Variants in PRKAG2 observed in about 807,000 individuals in gnomAD.
PRKAG2 encodes the protein protein kinase AMP-activated non-catalytic subunit gamma 2, also known as 5'-AMP-activated protein kinase subunit gamma-2.
PRKAG2 carries 26 observed loss-of-function variants against 69.6 expected under a neutral mutation model. The observed-to-expected ratio is 0.37, with a 90% CI of 0.27 to 0.52. The LOEUF is 0.52. PRKAG2 is among the 20% of genes least tolerant of loss of function. The pLI, the probability that PRKAG2 is intolerant of heterozygous loss-of-function variation, is 0.90. For synonymous variants in PRKAG2, 293 were observed against 285.0 expected (o/e 1.03, Z -0.28); for missense variants, 557 against 740.0 (o/e 0.75, Z 2.87).
In PRKAG2 at chr7:151,874,297, GATGTAT is replaced by G. The variant is rs1405710974; in HGVS notation, c.114+2204_114+2209del. Among the ~76,000 whole-genome samples, 647 of 77,610 alleles carry G rather than the reference GATGTAT, an allele frequency of 8.3e-3. 21 individuals carry two copies. The highest frequency in any genetic ancestry group is 0.03 in the African/African-American group (457 of 15,484). The allele number at this position is 77,610 out of a possible 152,430, so 50.9% of individuals were successfully genotyped here. On this transcript the variant is annotated intron_variant, in intron 1 of 15. Coordinates refer to ENST00000287878, the MANE Select transcript of PRKAG2 (RefSeq NM_016203.4). ...ATATGATATATATGTATATGTATAT[GATGTAT>G]ATGTATATGTATATGATGTATATGT... is the stretch of plus-strand genomic sequence containing the variant.
intron 4 of PRKAG2, among the ~76,000 whole-genome samples, chr7:151,662,156 T>C (rs1188449419): frequency 6.6e-6 from 1 of 152,202 alleles, no homozygotes; most frequent in Admixed American, 6.5e-5. Flanking sequence ...AGGTAGAAAG[T>C]GTTCAGAGTC....
chr7:151,852,129 G>A (rs1402615460), intron 1 of PRKAG2, among the ~76,000 whole-genome samples: 1 of 152,202 alleles, frequency 6.6e-6, no homozygotes, highest in Non-Finnish European at 1.5e-5. Flanking sequence ...ACGCAAGCCT[G>A]TGCCCTGTGT....
At chr7:151,667,680 T>C (rs1026450146) in intron 4 of PRKAG2, among the ~76,000 whole-genome samples, 1 of 152,214 alleles carries the variant, frequency 6.6e-6, no homozygotes, top group African/African-American at 2.4e-5. Context: ...ACCTTGCATA[T>C]ACTTCTGTCT....
At chr7:151,675,811 T>C (rs1182455579) in intron 3 of PRKAG2, among the ~76,000 whole-genome samples, 174 bp from the exon 4 acceptor site, 1 of 151,248 alleles carries the variant, frequency 6.6e-6, no homozygotes, top group Non-Finnish European at 1.5e-5. Context: ...ACATTGGAGG[T>C]GGTCAGAGGT....
chr7:151,754,121 C>A (rs997204212), intron 3 of PRKAG2, among the ~76,000 whole-genome samples: 17 of 152,354 alleles, frequency 1.1e-4, no homozygotes, highest in Non-Finnish European at 1.8e-4. Flanking sequence ...CCAAAGCAGG[C>A]CCTGAGAGAA....
intron 1 of PRKAG2, among the ~76,000 whole-genome samples, chr7:151,853,759 CA>C (rs56098823): frequency 0.011 from 1,199 of 109,888 alleles, 10 homozygotes; most frequent in African/African-American, 0.018. Flanking sequence ...GACTCCGTCT[CA>C]AAAAAAAAAA....
chr7:151,640,185 C>T (rs557401535), intron 4 of PRKAG2, among the ~76,000 whole-genome samples: 1 of 152,188 alleles, frequency 6.6e-6, no homozygotes, highest in East Asian at 1.9e-4. Context: ...GGGCATGCAC[C>T]TGTAATTCCA....
chr7:151,682,799 G>A (rs1227128142), intron 3 of PRKAG2, among the ~76,000 whole-genome samples: 1 of 151,876 alleles, frequency 6.6e-6, no homozygotes, highest in East Asian at 1.9e-4. Context: ...GGGGAGCTCA[G>A]GGAAGAGGAG....
Position 151,652,455 on chromosome 7 carries a change from A to G in PRKAG2, c.685-20317T>C, listed in dbSNP as rs185984577. 5.8e-4 allele frequency among the ~76,000 whole-genome samples: 88 copies of G among 152,338 alleles called. 1 individual carries two copies. The Middle Eastern group carries it at 0.017, about 29-fold the overall frequency. On this transcript the variant is annotated intron_variant, in intron 4 of 15. Coordinates refer to ENST00000287878, the MANE Select transcript of PRKAG2 (RefSeq NM_016203.4). ...TATGCTAATATGTAATGAGTTTATTACTGATCTTTTCAGATAAATTAATAT... is the reference window on the plus strand; with the variant it reads ...TATGCTAATATGTAATGAGTTTATTGCTGATCTTTTCAGATAAATTAATAT...
At chr7:151,601,022 C>T (rs1402334470) in intron 5 of PRKAG2, among the ~76,000 whole-genome samples, 1 of 152,178 alleles carries the variant, frequency 6.6e-6, no homozygotes, top group African/African-American at 2.4e-5. Flanking sequence ...AAGCTCTGTC[C>T]CAGGCTCCAG....
At position 151,781,310 on chromosome 7, in the gene PRKAG2, T is replaced by C; in HGVS notation, c.308A>G (p.Lys103Arg). 6.2e-7 allele frequency: 1 copy of C among 1,613,942 alleles called. No homozygotes were observed. Among genetic ancestry groups the C allele is most frequent in the Non-Finnish European group, 8.5e-7 (1 of 1,179,974 alleles). Residue 103 changes from lysine to arginine, a missense_variant, in exon 3 of 16, where the codon AAA (lysine) becomes AGA (arginine). Around this residue, in one of 2 missense-constraint regions of PRKAG2, gnomAD observed 352 missense variants for 356.7 expected, o/e 0.99. Coordinates refer to ENST00000287878, the MANE Select transcript of PRKAG2 (RefSeq NM_016203.4). The surrounding 1 kb of genome is among the most constrained non-coding windows in gnomAD (Gnocchi z 6.1). ...VRPKTSPGSP[K>R]TVFPFSYQES... Reference sequence around the variant, plus strand: ...CTGGTAGGAGAACGGGAACACGGTTTTGGGAGAGCCGGGGCTGGTCTTGGG... The same window carrying C: ...CTGGTAGGAGAACGGGAACACGGTTCTGGGAGAGCCGGGGCTGGTCTTGGG...
At chr7:151,726,406 A>G (rs1797982569) in intron 3 of PRKAG2, among the ~76,000 whole-genome samples, 1 of 146,158 alleles carries the variant, frequency 6.8e-6, no homozygotes, top group African/African-American at 2.5e-5. Flanking sequence ...ACACACGCAC[A>G]CACACACAGA....
At chr7:151,623,160 T>C (rs1821922013) in intron 5 of PRKAG2, among the ~76,000 whole-genome samples, 1 of 150,214 alleles carries the variant, frequency 6.7e-6, no homozygotes, top group African/African-American at 2.5e-5. Flanking sequence ...AGGTCAGGAG[T>C]TTGAGACCAG....
chr7:151,664,996 A>G (rs1427178908), intron 4 of PRKAG2, among the ~76,000 whole-genome samples: 2 of 152,206 alleles, frequency 1.3e-5, no homozygotes, highest in Non-Finnish European at 2.9e-5. Context: ...CATCCCTGTG[A>G]CCAAAATGAT....
intron 6 of PRKAG2, among the ~76,000 whole-genome samples, chr7:151,591,021 C>T (rs929402329): frequency 2.0e-5 from 3 of 152,288 alleles, no homozygotes; most frequent in East Asian, 3.9e-4. Flanking sequence ...CCACAGGCTT[C>T]GGGAGACAGG....
At chr7:151,648,426 C>G (rs922821273) in intron 4 of PRKAG2, among the ~76,000 whole-genome samples, 2 of 152,124 alleles carry the variant, frequency 1.3e-5, no homozygotes, top group African/African-American at 4.8e-5. Context: ...TTTGGGAAAA[C>G]TGGTGTGTGA....
In PRKAG2 at chr7:151,699,143, C is replaced by G. The variant is rs1205934544; in HGVS notation, c.467-23506G>C. Among the ~76,000 whole-genome samples the G allele has an allele frequency of 6.7e-6, 1 of 149,886 alleles. No homozygotes were observed. The highest frequency in any genetic ancestry group is 2.4e-5 in the African/African-American group (1 of 40,972). ...CTTAGGCCACCTTTCCTTCTCTGACCTCTGTCCCCATCCCTGCCCCAAGTT... is the reference window on the plus strand; with the variant it reads ...CTTAGGCCACCTTTCCTTCTCTGACGTCTGTCCCCATCCCTGCCCCAAGTT... On this transcript the variant is annotated intron_variant, in intron 3 of 15. Transcript: ENST00000287878. The surrounding 1 kb of genome is among the most constrained non-coding windows in gnomAD (Gnocchi z 4.5).
In PRKAG2 at chr7:151,675,416, T is replaced by A; in HGVS notation, c.684+4A>T. 13 of 1,613,532 alleles carry A rather than the reference T, an allele frequency of 8.1e-6. No individual in the cohort carries two copies. Among genetic ancestry groups the A allele is most frequent in the Non-Finnish European group, 1.1e-5 (13 of 1,179,544 alleles). Reference sequence around the variant, plus strand: ...GCCCCACCCACAGAAGGGCCCAGACTTACGGCTTTGGAGGGAGCATAGTGT... The same window carrying A: ...GCCCCACCCACAGAAGGGCCCAGACATACGGCTTTGGAGGGAGCATAGTGT... On this transcript the variant is annotated splice_donor_region_variant and intron_variant, in intron 4 of 15. Transcript: ENST00000287878.
At chr7:151,613,635 T>A (rs550563464) in intron 5 of PRKAG2, among the ~76,000 whole-genome samples, 1 of 151,614 alleles carries the variant, frequency 6.6e-6, no homozygotes, top group Non-Finnish European at 1.5e-5. Flanking sequence ...GCAGCTGGGA[T>A]TACAGGCACC....
Sources: gnomAD v4.1 joint callset for allele counts (sites outside exome capture counted in the v4.1 genomes callset) on GRCh38, gnomAD v4.1.1 for gene constraint, gnomAD v4.1.1 regional missense constraint, Gnocchi (gnomAD v3.1) non-coding constraint, MANE v1.5 for transcripts, NCBI Gene and HGNC (gene_info 2026-07-23, HGNC 2026-07-21) for gene names.